The following TRAPPC9 variants were observed in gnomAD, a reference collection of about 807,000 sequenced individuals.
The protein encoded by TRAPPC9 is IKK2 binding protein.
A neutral mutation model predicts 124.0 loss-of-function variants in TRAPPC9; 83 were observed. The observed-to-expected ratio is 0.67, with a 90% CI of 0.56 to 0.80. The LOEUF (loss-of-function observed/expected upper bound fraction) is 0.80, where lower values mean the gene tolerates loss of function less well. Ranked by LOEUF, TRAPPC9 falls within the 30% of genes least tolerant of loss-of-function variation. The pLI is 0.00. For missense variants in TRAPPC9, 1,302 were observed against 1,508.3 expected, an observed-to-expected ratio of 0.86 and a Z score of 2.27; for synonymous variants, 638 against 617.5, an observed-to-expected ratio of 1.03 and a Z score of -0.49.
chr8:139,878,645 G>A (rs1326986262), intron 21 of TRAPPC9, among the ~76,000 whole-genome samples: 2 of 152,184 alleles, frequency 1.3e-5, no homozygotes, highest in Non-Finnish European at 2.9e-5. Flanking sequence ...TGGCCCAGCA[G>A]GTGAGCTGTC....
At chr8:140,141,967 A>C (rs548359435) in intron 17 of TRAPPC9, among the ~76,000 whole-genome samples, 166 of 152,306 alleles carry the variant, frequency 1.1e-3, no homozygotes, top group African/African-American at 3.7e-3. Context: ...AATGCTGCTG[A>C]GCACCCTGGG....
chr8:139,843,825 T>C (rs542587202), intron 21 of TRAPPC9, among the ~76,000 whole-genome samples: 9 of 152,370 alleles, frequency 5.9e-5, no homozygotes, highest in African/African-American at 2.2e-4. Context: ...CTTCTGACTC[T>C]GCCCTCTGGC....
Position 139,788,163 on chromosome 8 carries a change from C to T in TRAPPC9, c.3056-55961G>A, listed in dbSNP as rs1450699275. The stretch of plus-strand genomic sequence containing the variant: ...GACAACACCCTAAGTCCCACAGGAC[C>T]GCCTCCCAGATCAAAAACCCACATG... On this transcript the variant is annotated intron_variant, in intron 21 of 22. Transcript: ENST00000438773. This position sits in a 1 kb window ranked among gnomAD's most constrained non-coding sequence, Gnocchi z 4.9. Among the ~76,000 whole-genome samples the T allele has an allele frequency of 1.3e-5, 2 of 152,142 alleles. No individual in the cohort carries two copies. The highest frequency in any genetic ancestry group is 2.4e-5 in the African/African-American group (1 of 41,436).
chr8:139,899,120 C>CA (rs33927933), intron 20 of TRAPPC9, among the ~76,000 whole-genome samples: 8,069 of 45,530 alleles, frequency 0.18, 786 homozygotes, highest in African/African-American at 0.27. Flanking sequence ...AACTCCGTCT[C>CA]AAAAAAAAAA....
intron 17 of TRAPPC9, among the ~76,000 whole-genome samples, chr8:140,032,723 C>T (rs185056808): frequency 6.6e-6 from 1 of 152,160 alleles, no homozygotes; most frequent in Non-Finnish European, 1.5e-5. Context: ...GCTTTCCATA[C>T]ATGAAGATAT....
At chr8:140,246,628 A>G (rs2131466305) in intron 16 of TRAPPC9, among the ~76,000 whole-genome samples, 1 of 152,338 alleles carries the variant, frequency 6.6e-6, no homozygotes, top group Non-Finnish European at 1.5e-5. Flanking sequence ...ACTGATACCT[A>G]GTTTCAGAAT....
intron 21 of TRAPPC9, among the ~76,000 whole-genome samples, chr8:139,770,914 A>C (rs1005609416): frequency 1.1e-4 from 17 of 152,102 alleles, no homozygotes; most frequent in African/African-American, 4.1e-4. Flanking sequence ...CGTAGGGAAG[A>C]GTCACCACGC....
intron 21 of TRAPPC9, among the ~76,000 whole-genome samples, chr8:139,801,644 G>T (rs997551390): frequency 6.6e-6 from 1 of 152,216 alleles, no homozygotes; most frequent in African/African-American, 2.4e-5. Context: ...CGGGATTCCT[G>T]TTCCAGCCAG....
intron 19 of TRAPPC9, among the ~76,000 whole-genome samples, chr8:139,969,508 C>CG (rs1835924653): frequency 6.6e-6 from 1 of 152,228 alleles, no homozygotes; most frequent in East Asian, 1.9e-4. Flanking sequence ...ATCCTAGCAG[C>CG]GCCACCTGGG....
chr8:140,428,288 G>C (rs1355709099), intron 4 of TRAPPC9, among the ~76,000 whole-genome samples: 1 of 152,188 alleles, frequency 6.6e-6, no homozygotes, highest in Non-Finnish European at 1.5e-5. Flanking sequence ...AAACTTGTAA[G>C]AGACCAGTGT....
chr8:139,961,778 C>T (rs1432826534), intron 19 of TRAPPC9, among the ~76,000 whole-genome samples: 3 of 123,948 alleles, frequency 2.4e-5, no homozygotes, highest in African/African-American at 2.5e-5. Context: ...CTGGACCCAC[C>T]CATGGCTGCC....
intron 9 of TRAPPC9, among the ~76,000 whole-genome samples, chr8:140,315,918 A>G (rs2131909163): frequency 6.6e-6 from 1 of 152,296 alleles, no homozygotes; most frequent in Admixed American, 6.5e-5. Context: ...CTTAGTGTAC[A>G]TTATCAGTAA....
intron 19 of TRAPPC9, among the ~76,000 whole-genome samples, chr8:139,958,829 A>G (rs765767683): frequency 1.3e-5 from 2 of 152,236 alleles, no homozygotes; most frequent in Non-Finnish European, 2.9e-5. Flanking sequence ...ACACCATGAG[A>G]TGTGACCACT....
chr8:140,317,397 C>T (rs1226441263), intron 9 of TRAPPC9, among the ~76,000 whole-genome samples: 1 of 152,130 alleles, frequency 6.6e-6, no homozygotes, highest in Non-Finnish European at 1.5e-5. Context: ...TGGATAAGGT[C>T]CCATTATTCT....
chr8:139,884,778 G>T (rs539981264), intron 21 of TRAPPC9, among the ~76,000 whole-genome samples: 1 of 152,138 alleles, frequency 6.6e-6, no homozygotes, highest in Admixed American at 6.5e-5. Context: ...TGCCACTCAG[G>T]CTGGCTCAGA....
At chr8:139,765,253 G>A (rs561477953) in intron 21 of TRAPPC9, among the ~76,000 whole-genome samples, 4 of 152,328 alleles carry the variant, frequency 2.6e-5, no homozygotes, top group South Asian at 4.1e-4. Flanking sequence ...AACTGCCCAA[G>A]TTCTGGTAGG....
intron 9 of TRAPPC9, among the ~76,000 whole-genome samples, chr8:140,330,478 T>C (rs1446084848): frequency 1.3e-5 from 2 of 152,226 alleles, no homozygotes; most frequent in African/African-American, 4.8e-5. Flanking sequence ...TCATATTTGC[T>C]AGTCACTTAA....
At chr8:139,827,904 C>T (rs937011915) in intron 21 of TRAPPC9, among the ~76,000 whole-genome samples, 2 of 152,190 alleles carry the variant, frequency 1.3e-5, no homozygotes, top group African/African-American at 4.8e-5. Flanking sequence ...AGGCGTGTCA[C>T]ACAGTGAGAG....
rs1048864396 is a variant in TRAPPC9 at position 140,027,712 on chromosome 8, G to T, written c.2557-3633C>A. On this transcript the variant is annotated intron_variant, in intron 17 of 22. Coordinates refer to ENST00000438773, the MANE Select transcript of TRAPPC9 (RefSeq NM_001160372.4). The stretch of plus-strand genomic sequence containing the variant: ...GAGACTGGGTAATTTATAAAGAAAA[G>T]AGGTTTAATTGACTCACAGTTCCAC... 4.6e-5 allele frequency among the ~76,000 whole-genome samples: 7 copies of T among 152,188 alleles called. No individual in the cohort carries two copies. In the East Asian group the frequency reaches 5.8e-4, roughly 13 times the overall value.
Sources: gnomAD v4.1 joint callset for allele counts (sites outside exome capture counted in the v4.1 genomes callset) on GRCh38, gnomAD v4.1.1 for gene constraint, Gnocchi (gnomAD v3.1) non-coding constraint, MANE v1.5 for transcripts, NCBI Gene and HGNC (gene_info 2026-07-23, HGNC 2026-07-21) for gene names.